Variants in BRME1 observed in about 807,000 individuals in gnomAD.
BRME1 encodes break repair meiotic recombinase recruitment factor 1, also known as BRCA2 and MEILB2-associating protein 1.
A neutral mutation model predicts 52.6 loss-of-function variants in BRME1; 31 were observed. That is an observed-to-expected ratio of 0.59 (90% CI 0.44 to 0.80). The LOEUF is 0.80. Among genes scored for constraint, BRME1 ranks in the 30% least tolerant of loss-of-function variants. The pLI is 0.00. For synonymous variants in BRME1, 359 were observed against 353.6 expected (o/e 1.02, Z -0.17); for missense variants, 804 against 860.3 (o/e 0.93, Z 0.82).
chr19:13,895,316 C>T (rs1969797981), intron 3 of BRME1, 56 bp downstream of exon 3: 3 of 1,540,376 alleles, frequency 1.9e-6, no homozygotes, highest in Non-Finnish European at 2.6e-6. Context: ...TGCTGAGCTG[C>T]TGTGCTATGT....
rs1488008232 is a variant in BRME1, at chr19:13,888,696, AATC to A, written c.1668+489_1668+491del. Among the ~76,000 whole-genome samples, 9 of 152,202 alleles carry A rather than the reference AATC, an allele frequency of 5.9e-5. No individual in the cohort carries two copies. The highest frequency in any genetic ancestry group is 1.9e-4 in the African/African-American group (8 of 41,444). ...AATGACTTATGTATGTTTGGAAAAG[AATC>A]ATATCAGGACCCCCAGAGGACCCTA... On this transcript the variant is annotated intron_variant, in intron 6 of 8. Coordinates refer to ENST00000586783, the MANE Select transcript of BRME1 (RefSeq NM_001345843.2). The surrounding 1 kb of genome is among the most constrained non-coding windows in gnomAD (Gnocchi z 4.1).
In BRME1 at chr19:13,889,259, G is replaced by C. The variant is rs773214574; in HGVS notation, c.1597C>G (p.Leu533Val). The change falls in exon 6 of 9, where the codon CTC becomes GTC. Residue 533 changes from leucine to valine, a missense_variant. Physicochemically the swap from Leu to Val is conservative, Grantham distance 32. Transcript: ENST00000586783. Reference protein sequence around the residue: ...GTWADSLAVELDFLLDSQIQD... With the variant: ...GTWADSLAVEVDFLLDSQIQD... ...ATCTGGCTGTCCAGCAGGAAGTCGA[G>C]TTCCACAGCTAAAGAGTCTGCCCAG... The C allele has an allele frequency of 2.5e-6, 4 of 1,613,950 alleles. No individual in the cohort carries two copies. Among genetic ancestry groups the C allele is most frequent in the Non-Finnish European group, 3.4e-6 (4 of 1,179,958 alleles).
At position 13,889,591 on chromosome 19, in the gene BRME1, G is replaced by A. The variant is rs748425839; in HGVS notation, c.1265C>T (p.Ala422Val). The A allele has an allele frequency of 1.9e-6, 3 of 1,611,630 alleles. No homozygotes were observed. The highest frequency in any genetic ancestry group is 1.7e-5 in the Admixed American group (1 of 59,916). The change falls in exon 6 of 9, where the codon GCA becomes GTA. Residue 422 changes from alanine (A) to valine (V), a missense_variant. By Grantham distance (64) the Ala-to-Val change is moderately conservative. Coordinates refer to ENST00000586783, the MANE Select transcript of BRME1 (RefSeq NM_001345843.2). ...CATCATGGACTCTCCGCTCCCAGGT[G>A]CCAGAGCCAGGGAGGCTGTAGGGCC... ...LVGPTASLAL[A>V]PGSGESMMGA...
At position 13,901,457 on chromosome 19, in the gene BRME1, G is replaced by C. The variant is rs191771125; in HGVS notation, c.31+3405C>G. 2.6e-5 allele frequency among the ~76,000 whole-genome samples: 4 copies of C among 151,488 alleles called. No homozygotes were observed. In the East Asian group the frequency reaches 7.8e-4, roughly 30 times the overall value. ...ACGGTGGCTCATGCCTGTAATCTTT[G>C]GGAGGCTGAGGCAGGCGGATAACTT... On this transcript the variant is annotated intron_variant, in intron 2 of 8. Transcript: ENST00000586783.
rs1304837837 is a variant in BRME1, at chr19:13,889,943, C to G, written c.913G>C (p.Ala305Pro). The G allele has an allele frequency of 1.9e-6, 3 of 1,612,600 alleles. No individual in the cohort carries two copies. The highest frequency in any genetic ancestry group is 2.5e-6 in the Non-Finnish European group (3 of 1,179,960). Residue 305 changes from alanine to proline, a missense_variant, in exon 6 of 9, where the codon GCC becomes CCC. This residue lies in a region of BRME1 where 552 missense variants were observed against 561.1 expected (regional missense o/e 0.98). Coordinates refer to ENST00000586783, the MANE Select transcript of BRME1 (RefSeq NM_001345843.2). ...TGCTGGGGGTCAGGGGAGCCCTGGGCCACAGACCCGGGTTCCAGGCACCAA... is the reference window on the plus strand; with the variant it reads ...TGCTGGGGGTCAGGGGAGCCCTGGGGCACAGACCCGGGTTCCAGGCACCAA... ...ASWCLEPGSV[A>P]QGSPDPQQTP...
At chr19:13,884,935 C>G (rs1232159059) in intron 7 of BRME1, 1 of 152,494 alleles carries the variant, frequency 6.6e-6, no homozygotes, top group Admixed American at 6.5e-5. Flanking sequence ...CTGGGAGCTT[C>G]CAGACATCCA....
chr19:13,889,132 T>C, intron 6 of BRME1, 56 bp downstream of exon 6: 3 of 1,466,728 alleles, frequency 2.0e-6, no homozygotes, highest in Non-Finnish European at 2.7e-6. Flanking sequence ...AGGGGGCTTG[T>C]GGAGGTTGGG....
rs1968722969 is a variant in BRME1 at position 13,882,799 on chromosome 19, G to A, written c.*3C>T. The A allele has an allele frequency of 1.2e-6, 2 of 1,613,642 alleles. No individual in the cohort carries two copies. The highest frequency in any genetic ancestry group is 1.7e-6 in the Non-Finnish European group (2 of 1,179,870). On this transcript the variant is annotated 3_prime_UTR_variant, in exon 9 of 9. Transcript: ENST00000586783. ...GCAAAGGAAACACAGACCTCAAAGT[G>A]GCCTACAACTCCCTCCAGGGTGGGT...
chr19:13,890,513 C>A (rs549392956), intron 5 of BRME1, 51 bp from the exon 6 acceptor site: 13 of 1,426,048 alleles, frequency 9.1e-6, no homozygotes, highest in South Asian at 1.6e-5. Context: ...CCAAGTTCTC[C>A]GAAGAGTTTT....
Position 13,897,347 on chromosome 19 carries a change from T to C in BRME1, c.32-1801A>G, listed in dbSNP as rs561027692. 1.8e-4 allele frequency among the ~76,000 whole-genome samples: 27 copies of C among 151,218 alleles called. 1 individual carries two copies. Among genetic ancestry groups the C allele is most frequent in the African/African-American group, 5.1e-4 (21 of 41,312 alleles). On this transcript the variant is annotated intron_variant, in intron 2 of 8. Transcript: ENST00000586783. ...CCACCGTGCCCAGCCACATCAAAACTTTCAATAGTGGCTGGCTTGTAAGAC... is the reference window on the plus strand; with the variant it reads ...CCACCGTGCCCAGCCACATCAAAACCTTCAATAGTGGCTGGCTTGTAAGAC...
rs1004217297 is a variant in BRME1 at position 13,883,795 on chromosome 19, C to G, written c.1764-395G>C. Among the ~76,000 whole-genome samples the G allele has an allele frequency of 6.6e-6, 1 of 151,862 alleles. No individual in the cohort carries two copies. The highest frequency in any genetic ancestry group is 1.5e-5 in the Non-Finnish European group (1 of 67,930). On this transcript the variant is annotated intron_variant, in intron 7 of 8. Coordinates refer to ENST00000586783, the MANE Select transcript of BRME1 (RefSeq NM_001345843.2). This position sits in a 1 kb window ranked among gnomAD's most constrained non-coding sequence, Gnocchi z 4.2. ...CCCCGCTTCTCCCCTCCCCTCGGCT[C>G]TAGCCACACTAGACTCCTGGCCATT...
At chr19:13,890,999 C>T (rs74904523) in intron 5 of BRME1, among the ~76,000 whole-genome samples, 2,167 of 152,120 alleles carry the variant, frequency 0.014, 55 homozygotes, top group African/African-American at 0.05. Context: ...CCAGGGCCGG[C>T]GACTGGAGGG....
In BRME1 at chr19:13,888,505, C is replaced by G. The variant is rs1969202355; in HGVS notation, c.1668+683G>C. The G allele has an allele frequency of 6.6e-6, 1 of 152,256 alleles. No homozygotes were observed. The allele number at this position is 152,256 out of a possible 1,614,324, so 9.4% of individuals were successfully genotyped here. A position where few individuals can be genotyped will look rare whatever the true frequency, so the allele number is the denominator to read the frequency against. On this transcript the variant is annotated intron_variant, in intron 6 of 8. Transcript: ENST00000586783. This position sits in a 1 kb window ranked among gnomAD's most constrained non-coding sequence, Gnocchi z 4.1. ...CAACGGCTAGGGAGGTCGCTCTTTC[C>G]CTGGGGGGCAGGGCTGAAGCAAGGC...
rs1314819206 is a variant in BRME1, at chr19:13,889,569, C to G, written c.1287G>C (p.Met429Ile). 2 of 1,613,278 alleles carry G rather than the reference C, an allele frequency of 1.2e-6. No homozygotes were observed. Among genetic ancestry groups the G allele is most frequent in the Admixed American group, 1.7e-5 (1 of 60,002 alleles). ...CATGACCGGAATCTCCAGCACCCATCATGGACTCTCCGCTCCCAGGTGCCA... is the reference window on the plus strand; with the variant it reads ...CATGACCGGAATCTCCAGCACCCATGATGGACTCTCCGCTCCCAGGTGCCA... ...LALAPGSGES[M>I]MGAGDSGHAS... Residue 429 changes from methionine (M) to isoleucine (I), a missense_variant, in exon 6 of 9, where the codon ATG (methionine) becomes ATC (isoleucine). Physicochemically the swap from Met to Ile is conservative, Grantham distance 10. Transcript: ENST00000586783.
At chr19:13,904,954 T>G in intron 1 of BRME1, 41 bp from the exon 2 acceptor site, 2 of 1,511,556 alleles carry the variant, frequency 1.3e-6, no homozygotes, top group Non-Finnish European at 1.8e-6. Context: ...AAGCAGTCTC[T>G]GTCTCTGTTT....
In BRME1 at chr19:13,888,795, C is replaced by G. The variant is rs893162938; in HGVS notation, c.1668+393G>C. 1.3e-5 allele frequency among the ~76,000 whole-genome samples: 2 copies of G among 152,140 alleles called. No individual in the cohort carries two copies. Among genetic ancestry groups the G allele is most frequent in the African/African-American group, 4.8e-5 (2 of 41,424 alleles). ...TCCCCAGGCCCAGGTATAAAGCCAT[C>G]CCCAGGCCCAGCTTCTCTCCATCTG... On this transcript the variant is annotated intron_variant, in intron 6 of 8. Coordinates refer to ENST00000586783, the MANE Select transcript of BRME1 (RefSeq NM_001345843.2). The surrounding 1 kb of genome is among the most constrained non-coding windows in gnomAD (Gnocchi z 4.1).
rs1968700685 is a variant in BRME1 at position 13,882,438 on chromosome 19, C to T, written c.*364G>A. The T allele has an allele frequency of 7.3e-6, 3 of 412,700 alleles. No homozygotes were observed. The highest frequency in any genetic ancestry group is 6.2e-5 in the African/African-American group (3 of 48,712). The allele number at this position is 412,700 out of a possible 1,614,324, so 25.6% of individuals were successfully genotyped here. A position where few individuals can be genotyped will look rare whatever the true frequency, so the allele number is the denominator to read the frequency against. On this transcript the variant is annotated 3_prime_UTR_variant, in exon 9 of 9. Transcript: ENST00000586783. ...GAAAGAAAACAAAGGGAGCTCTCTT[C>T]TCCTCCAGGAAAGAAACAAATTCTG...
In BRME1 at chr19:13,889,473, T is replaced by G; in HGVS notation, c.1383A>C (p.Leu461Phe). ...EPGPAQEEAELGGQNLERDLE... is the reference protein window; with the variant it reads ...EPGPAQEEAEFGGQNLERDLE... ...GGTCTCGTTCGAGGTTCTGGCCACC[T>G]AACTCGGCTTCCTCTTGAGCAGGAC... Residue 461 changes from leucine (L) to phenylalanine (F), a missense_variant, in exon 6 of 9, where the codon TTA (leucine) becomes TTC (phenylalanine). Coordinates refer to ENST00000586783, the MANE Select transcript of BRME1 (RefSeq NM_001345843.2). The G allele has an allele frequency of 6.2e-7, 1 of 1,613,954 alleles. No homozygotes were observed. Among genetic ancestry groups the G allele is most frequent in the East Asian group, 2.2e-5 (1 of 44,876 alleles).
intron 8 of BRME1, 37 bp from the exon 9 acceptor site, chr19:13,882,989 T>C: frequency 1.9e-6 from 3 of 1,599,128 alleles, no homozygotes; most frequent in Non-Finnish European, 1.7e-6. Flanking sequence ...TGGGGCTCAG[T>C]GGTCACCAGG....
Sources: gnomAD v4.1 joint callset for allele counts (sites outside exome capture counted in the v4.1 genomes callset) on GRCh38, gnomAD v4.1.1 for gene constraint, gnomAD v4.1.1 regional missense constraint, Gnocchi (gnomAD v3.1) non-coding constraint, MANE v1.5 for transcripts, NCBI Gene and HGNC (gene_info 2026-07-23, HGNC 2026-07-21) for gene names.